Variants in PHACTR1 observed in about 807,000 individuals in gnomAD.
The protein encoded by PHACTR1 is phosphatase and actin regulator 1.
PHACTR1 carries 16 observed loss-of-function variants against 69.2 expected under a neutral mutation model. That is an observed-to-expected ratio of 0.23 (90% CI 0.16 to 0.35). The LOEUF (loss-of-function observed/expected upper bound fraction) is 0.35, where lower values mean the gene tolerates loss of function less well. Among genes scored for constraint, PHACTR1 ranks in the 10% least tolerant of loss-of-function variants. The pLI, the probability that PHACTR1 is intolerant of heterozygous loss-of-function variation, is 1.00. For synonymous variants in PHACTR1, 312 were observed against 284.5 expected, an observed-to-expected ratio of 1.10 and a Z score of -0.97; for missense variants, 510 against 734.7, an observed-to-expected ratio of 0.69 and a Z score of 3.54.
chr6:13,102,476 T>G (rs192328144), intron 5 of PHACTR1, among the ~76,000 whole-genome samples: 1 of 152,316 alleles, frequency 6.6e-6, no homozygotes, highest in Admixed American at 6.5e-5. Flanking sequence ...GTTTTATAAT[T>G]ATAAATGAAA....
At chr6:13,005,448 A>C (rs1396858999) in intron 4 of PHACTR1, among the ~76,000 whole-genome samples, 1 of 152,116 alleles carries the variant, frequency 6.6e-6, no homozygotes, top group Non-Finnish European at 1.5e-5. Context: ...TTACCCTTTG[A>C]TTCTTGCAGA....
intron 4 of PHACTR1, among the ~76,000 whole-genome samples, chr6:12,939,296 G>A (rs768955766): frequency 1.3e-5 from 2 of 152,160 alleles, no homozygotes; most frequent in African/African-American, 4.8e-5. Flanking sequence ...TAGGTAGGTG[G>A]TGCCTTAGCA....
intron 8 of PHACTR1, among the ~76,000 whole-genome samples, chr6:13,216,058 CT>C (rs1767628398): frequency 6.6e-6 from 1 of 152,132 alleles, no homozygotes; most frequent in African/African-American, 2.4e-5. Context: ...TACATATTAG[CT>C]AGAGATGAAT....
chr6:12,801,088 T>A (rs1233932203), intron 4 of PHACTR1, among the ~76,000 whole-genome samples: 1 of 152,150 alleles, frequency 6.6e-6, no homozygotes, highest in Non-Finnish European at 1.5e-5. Context: ...AAGATAATAA[T>A]GCTGAAAATA....
At chr6:12,864,228 G>A (rs1781219587) in intron 4 of PHACTR1, among the ~76,000 whole-genome samples, 1 of 152,188 alleles carries the variant, frequency 6.6e-6, no homozygotes, top group African/African-American at 2.4e-5. Flanking sequence ...TGAATTGCCT[G>A]AAGGGGTTGT....
At chr6:12,867,901 A>G (rs1781620117) in intron 4 of PHACTR1, among the ~76,000 whole-genome samples, 1 of 152,078 alleles carries the variant, frequency 6.6e-6, no homozygotes, top group Non-Finnish European at 1.5e-5. Flanking sequence ...AGACCCCTCT[A>G]TTTTTAGACT....
At chr6:13,268,976 C>T (rs1242018117) in intron 10 of PHACTR1, among the ~76,000 whole-genome samples, 2 of 152,134 alleles carry the variant, frequency 1.3e-5, no homozygotes, top group Non-Finnish European at 2.9e-5. Context: ...GTTTTGCCCC[C>T]TCCAAATATG....
At chr6:13,167,687 G>A (rs1458474259) in intron 6 of PHACTR1, among the ~76,000 whole-genome samples, 1 of 152,168 alleles carries the variant, frequency 6.6e-6, no homozygotes, top group Non-Finnish European at 1.5e-5. Context: ...ATTGTGTGCT[G>A]GAAATTAGAG....
At chr6:12,994,012 A>G (rs1797117577) in intron 4 of PHACTR1, among the ~76,000 whole-genome samples, 1 of 152,184 alleles carries the variant, frequency 6.6e-6, no homozygotes, top group South Asian at 2.1e-4. Context: ...TATCAAATAC[A>G]TATGCTTACA....
intron 4 of PHACTR1, among the ~76,000 whole-genome samples, chr6:12,926,043 C>G (rs1788238551): frequency 3.9e-5 from 6 of 152,292 alleles, no homozygotes; most frequent in Admixed American, 3.3e-4. Flanking sequence ...ATGCCATCCC[C>G]TCTGCAGTGT....
At chr6:13,277,580 T>C (rs1584401918) in intron 11 of PHACTR1, among the ~76,000 whole-genome samples, 1 of 152,078 alleles carries the variant, frequency 6.6e-6, no homozygotes, top group African/African-American at 2.4e-5. Flanking sequence ...AAAGAATGAG[T>C]GAGCCCCAGT....
intron 4 of PHACTR1, among the ~76,000 whole-genome samples, chr6:12,767,736 G>A (rs775753623): frequency 3.9e-5 from 6 of 152,044 alleles, no homozygotes; most frequent in Non-Finnish European, 8.8e-5. Flanking sequence ...GGACATTTTC[G>A]GGCATTCTGA....
chr6:13,223,132 G>C (rs10948546), intron 8 of PHACTR1, among the ~76,000 whole-genome samples: 86,278 of 151,974 alleles, frequency 0.57, 25,910 homozygotes, highest in Admixed American at 0.67. Flanking sequence ...TTACAATAGT[G>C]TTTAAATTTT....
chr6:13,094,018 C>T (rs974956258), intron 5 of PHACTR1, among the ~76,000 whole-genome samples: 14 of 151,990 alleles, frequency 9.2e-5, no homozygotes, highest in African/African-American at 2.4e-4. Context: ...GCCTCAGATG[C>T]GTGCCACCAC....
At chr6:12,871,666 CT>C (rs1782040040) in intron 4 of PHACTR1, among the ~76,000 whole-genome samples, 2 of 151,962 alleles carry the variant, frequency 1.3e-5, no homozygotes, top group Admixed American at 1.3e-4. Context: ...TGATTGCCCC[CT>C]GTTTGGTGAT....
chr6:12,914,076 C>T (rs1786701620), intron 4 of PHACTR1, among the ~76,000 whole-genome samples: 1 of 152,200 alleles, frequency 6.6e-6, no homozygotes, highest in African/African-American at 2.4e-5. Flanking sequence ...TCAAGCAATT[C>T]TCCTGCCTCA....
intron 4 of PHACTR1, among the ~76,000 whole-genome samples, chr6:12,897,616 C>G (rs1251124172): frequency 6.6e-6 from 1 of 152,076 alleles, no homozygotes; most frequent in Non-Finnish European, 1.5e-5. Flanking sequence ...TGGCTGTAGC[C>G]TCTCCCATTC....
chr6:12,784,453 TATACC>T (rs1771253653), intron 4 of PHACTR1, among the ~76,000 whole-genome samples: 2 of 151,888 alleles, frequency 1.3e-5, no homozygotes, highest in Middle Eastern at 3.5e-3. Context: ...TCTATACACA[TATACC>T]TATACACACA....
intron 7 of PHACTR1, among the ~76,000 whole-genome samples, chr6:13,201,031 T>C (rs1765166292): frequency 6.6e-6 from 1 of 151,778 alleles, no homozygotes; most frequent in Non-Finnish European, 1.5e-5. Context: ...GGAATGAGCA[T>C]CATTGTGATT....
Sources: gnomAD v4.1 joint callset for allele counts (sites outside exome capture counted in the v4.1 genomes callset) on GRCh38, gnomAD v4.1.1 for gene constraint, MANE v1.5 for transcripts, NCBI Gene and HGNC (gene_info 2026-07-23, HGNC 2026-07-21) for gene names.